Variants in ILRUN observed in about 807,000 individuals in gnomAD.
ILRUN encodes the protein inflammation and lipid regulator with UBA-like and NBR1-like domains, also known as protein ILRUN.
ILRUN carries 3 observed loss-of-function variants against 33.8 expected under a neutral mutation model. The ratio of observed to expected loss-of-function variants is 0.09; its 90% CI spans 0.04 to 0.23. The LOEUF is 0.23. Among genes scored for constraint, ILRUN ranks in the 10% least tolerant of loss-of-function variants. The probability of loss-of-function intolerance (pLI) is 1.00; values close to 1 mark genes in which losing one functional copy is unlikely to be tolerated. For synonymous variants in ILRUN, 124 were observed against 138.9 expected (o/e 0.89, Z 0.75); for missense variants, 210 against 375.1 (o/e 0.56, Z 3.64).
chr6:34,619,104 T>C (rs1467100848), intron 3 of ILRUN, among the ~76,000 whole-genome samples: 3 of 151,994 alleles, frequency 2.0e-5, no homozygotes, highest in Non-Finnish European at 2.9e-5. Context: ...GACAGCTACA[T>C]AGAATTTGTG....
intron 3 of ILRUN, among the ~76,000 whole-genome samples, chr6:34,633,168 A>C (rs1413463866): frequency 6.6e-6 from 1 of 152,258 alleles, no homozygotes; most frequent in Non-Finnish European, 1.5e-5. Flanking sequence ...AGAGCAAAGA[A>C]AATTATCAGG....
At chr6:34,694,460 A>G (rs1262417116) in intron 1 of ILRUN, among the ~76,000 whole-genome samples, 1 of 152,208 alleles carries the variant, frequency 6.6e-6, no homozygotes, top group African/African-American at 2.4e-5. Context: ...TCTTCAAGAT[A>G]TAACTTTACT....
chr6:34,663,292 G>A (rs966740443), intron 1 of ILRUN, among the ~76,000 whole-genome samples: 10 of 151,982 alleles, frequency 6.6e-5, no homozygotes, highest in Non-Finnish European at 1.0e-4. Context: ...GTATAGTGGC[G>A]CGTGCCTATA....
At chr6:34,607,197 T>C (rs1046230098) in intron 3 of ILRUN, among the ~76,000 whole-genome samples, 1 of 152,264 alleles carries the variant, frequency 6.6e-6, no homozygotes, top group Admixed American at 6.5e-5. Flanking sequence ...CCGTCATCTT[T>C]GGAAATCATT....
At chr6:34,654,901 ACGT>A in intron 1 of ILRUN, 122 bp from the exon 2 acceptor site, 2 of 818,186 alleles carry the variant, frequency 2.4e-6, no homozygotes, top group Non-Finnish European at 3.6e-6. Flanking sequence ...CCTGGTATAC[ACGT>A]CTTTAAAGCC....
chr6:34,613,220 AAC>A (rs1761798802), intron 3 of ILRUN, among the ~76,000 whole-genome samples: 1 of 51,726 alleles, frequency 1.9e-5, no homozygotes, highest in Admixed American at 1.5e-4. Flanking sequence ...TCTCAAAAAC[AAC>A]AACAACAACA....
intron 3 of ILRUN, among the ~76,000 whole-genome samples, chr6:34,630,660 C>T (rs1376224547): frequency 1.3e-5 from 2 of 152,098 alleles, no homozygotes; most frequent in Admixed American, 6.6e-5. Flanking sequence ...GGGATTATGG[C>T]GTGAGCCACA....
chr6:34,692,775 A>G (rs73413869), intron 1 of ILRUN, among the ~76,000 whole-genome samples: 3,551 of 152,260 alleles, frequency 0.023, 104 homozygotes, highest in African/African-American at 0.064. Context: ...AAAATGTTTA[A>G]ATTGATCCTT....
intron 1 of ILRUN, 109 bp downstream of exon 1, chr6:34,696,337 G>A: frequency 6.0e-6 from 7 of 1,174,338 alleles, no homozygotes; most frequent in Non-Finnish European, 8.2e-6. Flanking sequence ...GGAAGGGGTG[G>A]CCCTCAGTAC....
At chr6:34,667,591 T>G (rs1226767036) in intron 1 of ILRUN, among the ~76,000 whole-genome samples, 1 of 152,148 alleles carries the variant, frequency 6.6e-6, no homozygotes, top group Non-Finnish European at 1.5e-5. Flanking sequence ...ACTTATTAAC[T>G]ATAAAGGAGA....
At chr6:34,683,529 C>CATATATATAT (rs1562033466) in intron 1 of ILRUN, among the ~76,000 whole-genome samples, 1 of 82,216 alleles carries the variant, frequency 1.2e-5, no homozygotes, top group African/African-American at 7.7e-5. Context: ...TATATATATA[C>CATATATATAT]ATATTGCACA....
rs1471024436 is a variant in ILRUN, at chr6:34,665,236, A to G, written c.159-10457T>C. On this transcript the variant is annotated intron_variant, in intron 1 of 4. Transcript: ENST00000374023. ...TCTGGGAGGCTGAGACAGGAGGATC[A>G]CTGGAGCCCAGGAGTTCAAGACCAG... Among the ~76,000 whole-genome samples, 13 of 144,204 alleles carry G rather than the reference A, an allele frequency of 9.0e-5. No individual in the cohort carries two copies. The East Asian group carries it at 2.6e-3, about 29-fold the overall frequency. The allele number at this position is 144,204 out of a possible 152,430, so 94.6% of individuals were successfully genotyped here. A position where few individuals can be genotyped will look rare whatever the true frequency, so the allele number is the denominator to read the frequency against.
At chr6:34,683,080 G>GT (rs1285320090) in intron 1 of ILRUN, among the ~76,000 whole-genome samples, 2 of 150,874 alleles carry the variant, frequency 1.3e-5, no homozygotes, top group Admixed American at 6.6e-5. Flanking sequence ...AAAACAGGAC[G>GT]TTGCCTATAA....
chr6:34,647,240 G>A (rs772320432), intron 2 of ILRUN, among the ~76,000 whole-genome samples: 2 of 152,138 alleles, frequency 1.3e-5, no homozygotes, highest in African/African-American at 4.8e-5. Flanking sequence ...AGAAACAAGA[G>A]GATGAAACAC....
intron 3 of ILRUN, among the ~76,000 whole-genome samples, chr6:34,615,625 G>C (rs952915192): frequency 2.6e-5 from 4 of 152,076 alleles, no homozygotes; most frequent in African/African-American, 9.7e-5. Flanking sequence ...AACTGCAATA[G>C]AGCTGATGCA....
intron 1 of ILRUN, among the ~76,000 whole-genome samples, chr6:34,661,603 G>GA (rs1299970859): frequency 6.6e-6 from 1 of 152,120 alleles, no homozygotes; most frequent in Admixed American, 6.5e-5. Context: ...AACACACAGA[G>GA]AAAGAAACCT....
At chr6:34,595,866 G>C in intron 4 of ILRUN, 1 of 985,470 alleles carries the variant, frequency 1.0e-6, no homozygotes, top group Non-Finnish European at 1.2e-6. Context: ...AACACCATGA[G>C]GACCCTCCTC....
chr6:34,609,283 G>A (rs1021957136), intron 3 of ILRUN, among the ~76,000 whole-genome samples: 1 of 152,164 alleles, frequency 6.6e-6, no homozygotes, highest in Non-Finnish European at 1.5e-5. Context: ...GAGGTCAGGA[G>A]TTCGAGACTA....
At chr6:34,637,644 G>A (rs900867909) in intron 3 of ILRUN, among the ~76,000 whole-genome samples, 2 of 152,156 alleles carry the variant, frequency 1.3e-5, no homozygotes, top group Admixed American at 1.3e-4. Flanking sequence ...ACTACTCACA[G>A]CCAAGTGACT....
Sources: allele counts gnomAD v4.1 joint callset (sites outside exome capture counted in the v4.1 genomes callset), GRCh38; gene constraint gnomAD v4.1.1; transcripts MANE v1.5; gene names NCBI Gene and HGNC (gene_info 2026-07-23, HGNC 2026-07-21).